SENP1: variants seen among roughly 807,000 people sequenced by gnomAD.
The protein encoded by SENP1 is sentrin-specific protease 1.
Under a neutral mutation model 93.0 loss-of-function variants are expected in SENP1, and 21 were observed. That is an observed-to-expected ratio of 0.23 (90% CI 0.16 to 0.33). SENP1 has a LOEUF of 0.33. SENP1 is among the 10% of genes least tolerant of loss of function. The pLI, the probability that SENP1 is intolerant of heterozygous loss-of-function variation, is 1.00. For synonymous variants in SENP1, 256 were observed against 259.6 expected (o/e 0.99, Z 0.13); for missense variants, 591 against 758.7 (o/e 0.78, Z 2.60).
At chr12:48,089,405 T>G in intron 4 of SENP1, 1 of 1,096,990 alleles carries the variant, frequency 9.1e-7, no homozygotes, top group Non-Finnish European at 1.2e-6. Flanking sequence ...ACTTTCTTCG[T>G]TTTAGTTACC....
Position 48,045,007 on chromosome 12 carries a change from T to G in SENP1, c.*315A>C. The G allele has an allele frequency of 5.8e-6, 2 of 343,876 alleles. No homozygotes were observed. Among genetic ancestry groups the G allele is most frequent in the Non-Finnish European group, 1.1e-5 (2 of 186,414 alleles). 21.3% of individuals were successfully genotyped at this position (343,876 alleles called of 1,614,324 possible). The stretch of plus-strand genomic sequence containing the variant: ...TCTTTCCAAGCTTTTCTCAGTCCCA[T>G]AATTAGGGACTGAGTGAGGCTGGAG... On this transcript the variant is annotated 3_prime_UTR_variant, in exon 18 of 18. Transcript: ENST00000549518.
chr12:48,085,715 CAAAAAAAAAAAAA>C (rs200416260), intron 5 of SENP1, among the ~76,000 whole-genome samples: 5 of 116,316 alleles, frequency 4.3e-5, no homozygotes, highest in Non-Finnish European at 1.8e-5. Flanking sequence ...TTGCTTCTCT[CAAAAAAAAAAAAA>C]AAAAAAAAAA....
chr12:48,057,925 T>C (rs1942671553), intron 13 of SENP1, among the ~76,000 whole-genome samples: 1 of 145,396 alleles, frequency 6.9e-6, no homozygotes, highest in South Asian at 2.1e-4. Flanking sequence ...ATTTCACCTG[T>C]TTCATTTTAT....
At chr12:48,088,644 G>A in intron 5 of SENP1, 157 bp downstream of exon 5, 1 of 683,742 alleles carries the variant, frequency 1.5e-6, no homozygotes, top group Non-Finnish European at 2.5e-6. Flanking sequence ...TAAATGAGAA[G>A]TTGAAAATGT....
intron 4 of SENP1, 117 bp downstream of exon 4, chr12:48,096,225 GA>G (rs931977353): frequency 1.7e-6 from 1 of 590,306 alleles, no homozygotes; most frequent in African/African-American, 1.9e-5. Flanking sequence ...TTTTAGTGAA[GA>G]AAATACCATC....
At chr12:48,089,335 G>A (rs1246459977) in intron 4 of SENP1, 1 of 1,336,214 alleles carries the variant, frequency 7.5e-7, no homozygotes, top group Non-Finnish European at 9.8e-7. Context: ...GCAGGTGGGG[G>A]GCCAGTGAGA....
intron 13 of SENP1, among the ~76,000 whole-genome samples, chr12:48,058,722 G>A (rs527422523): frequency 6.6e-6 from 1 of 152,228 alleles, no homozygotes; most frequent in East Asian, 1.9e-4. Flanking sequence ...CTAGAGGTAT[G>A]AAAAAATGAG....
chr12:48,074,807 A>AC lies in SENP1; in HGVS notation c.553-15_553-14insG. On this transcript the variant is annotated splice_polypyrimidine_tract_variant and intron_variant, in intron 6 of 17. Transcript: ENST00000549518. ...TTCTTGAACTGTCTATAAGAAAACA[A>AC]AAAAAAAAAACAGTTTAAACACATC... 2 of 1,448,266 alleles carry AC rather than the reference A, an allele frequency of 1.4e-6. No individual in the cohort carries two copies. Among genetic ancestry groups the AC allele is most frequent in the African/African-American group, 1.4e-5 (1 of 70,338 alleles). The allele number at this position is 1,448,266 out of a possible 1,614,324, so 89.7% of individuals were successfully genotyped here.
At position 48,044,357 on chromosome 12, in the gene SENP1, C is replaced by CATATAT. The variant is rs35521150; in HGVS notation, c.*959_*964dup. ...ATATCCCTGTGAAATTTTATACATA[C>CATATAT]ATATATATATATATATATGTATGTG... On this transcript the variant is annotated 3_prime_UTR_variant, in exon 18 of 18. Coordinates refer to ENST00000549518, the MANE Select transcript of SENP1 (RefSeq NM_001267594.2). 1,170 of 138,558 alleles carry CATATAT rather than the reference C, an allele frequency of 8.4e-3. 27 individuals are homozygous for CATATAT. The highest frequency in any genetic ancestry group is 0.029 in the African/African-American group (1,104 of 37,584). The allele number at this position is 138,558 out of a possible 1,614,324, so 8.6% of individuals were successfully genotyped here.
chr12:48,056,283 A>G (rs1942317553), intron 13 of SENP1, among the ~76,000 whole-genome samples: 1 of 117,448 alleles, frequency 8.5e-6, no homozygotes, highest in Non-Finnish European at 1.6e-5. Flanking sequence ...ATTATATATT[A>G]CATATATAAA....
intron 8 of SENP1, 21 bp from the exon 9 acceptor site, chr12:48,071,742 T>C: frequency 6.5e-7 from 1 of 1,544,928 alleles, no homozygotes. Flanking sequence ...ACAAGAGCAT[T>C]TCATTAGTAA....
At chr12:48,048,398 T>A (rs1941536212) in intron 14 of SENP1, among the ~76,000 whole-genome samples, 1 of 152,214 alleles carries the variant, frequency 6.6e-6, no homozygotes, top group Non-Finnish European at 1.5e-5. Context: ...AAGGTGAGTA[T>A]CTCAAAATCA....
intron 4 of SENP1, among the ~76,000 whole-genome samples, chr12:48,091,960 C>T (rs1036273477): frequency 1.1e-4 from 17 of 151,874 alleles, no homozygotes; most frequent in African/African-American, 4.1e-4. Context: ...GGATTACAGG[C>T]GTGTAAAGTT....
Position 48,065,175 on chromosome 12 carries a change from G to A in SENP1, c.1165C>T (p.His389Tyr), listed in dbSNP as rs751463995. 1.9e-6 allele frequency: 3 copies of A among 1,610,304 alleles called. No homozygotes were observed. The highest frequency in any genetic ancestry group is 2.5e-6 in the Non-Finnish European group (3 of 1,177,140). ...TCCTTTTCAAGAGGTACACGAAGATGTAGTTCTACTGAATCATGTACTGAA... is the reference window on the plus strand; with the variant it reads ...TCCTTTTCAAGAGGTACACGAAGATATAGTTCTACTGAATCATGTACTGAA... ...EHSVHDSVEL[H>Y]LRVPLEKEIP... Residue 389 changes from histidine to tyrosine, a missense_variant, in exon 12 of 18, where the codon CAT (histidine) becomes TAT (tyrosine). Physicochemically the swap from His to Tyr is moderately conservative, Grantham distance 83. This residue lies in a region of SENP1 where 238 missense variants were observed against 259.1 expected (regional missense o/e 0.92). Transcript: ENST00000549518.
chr12:48,102,899 C>T (rs773277156), intron 1 of SENP1, among the ~76,000 whole-genome samples: 1 of 151,908 alleles, frequency 6.6e-6, no homozygotes. Context: ...AGGAAGGATC[C>T]CTAAAGAATT....
intron 1 of SENP1, chr12:48,105,656 CT>C (rs1341915090): frequency 4.6e-6 from 2 of 433,036 alleles, no homozygotes; most frequent in Non-Finnish European, 8.8e-6. Context: ...GAAAACAGCT[CT>C]CCCCAGAGAA....
intron 4 of SENP1, among the ~76,000 whole-genome samples, chr12:48,092,070 A>G (rs965673230): frequency 2.6e-5 from 4 of 152,200 alleles, no homozygotes; most frequent in African/African-American, 9.6e-5. Context: ...TGAGAGGCAG[A>G]TTTTTAAAAA....
intron 13 of SENP1, 110 bp downstream of exon 13, chr12:48,063,598 ATT>A (rs1943101702): frequency 9.7e-7 from 1 of 1,034,380 alleles, no homozygotes; most frequent in East Asian, 2.4e-5. Flanking sequence ...ATGAGAGATG[ATT>A]CCAATGCAGG....
rs1279946445 is a variant in SENP1 at position 48,083,749 on chromosome 12, T to C, written c.394A>G (p.Ser132Gly). 6 of 1,602,586 alleles carry C rather than the reference T, an allele frequency of 3.7e-6. No homozygotes were observed. The South Asian group carries it at 6.8e-5, about 18-fold the overall frequency. The change falls in exon 6 of 18, where the codon AGT (serine) becomes GGT (glycine). Residue 132 changes from serine (S) to glycine (G), a missense_variant. Ser to Gly is a moderately conservative substitution (Grantham distance 56). Coordinates refer to ENST00000549518, the MANE Select transcript of SENP1 (RefSeq NM_001267594.2). ...TRKTSSGLSN[S>G]FAGKSNHHCH... The stretch of plus-strand genomic sequence containing the variant: ...TGATGGTTTGACTTTCCCGCAAAAC[T>C]GTTTGATAATCCACTAAAAAAAGAG...
Sources: allele counts gnomAD v4.1 joint callset (sites outside exome capture counted in the v4.1 genomes callset), GRCh38; gene constraint gnomAD v4.1.1; regional missense constraint gnomAD v4.1.1; transcripts MANE v1.5; gene names NCBI Gene and HGNC (gene_info 2026-07-23, HGNC 2026-07-21).